The following NFKBID variants were observed in gnomAD, a reference collection of about 807,000 sequenced individuals.
NFKBID encodes NFKB inhibitor delta.
A neutral mutation model predicts 53.4 loss-of-function variants in NFKBID; 26 were observed. That is an observed-to-expected ratio of 0.49 (90% CI 0.36 to 0.68). The LOEUF is 0.68. NFKBID is among the 30% of genes least tolerant of loss of function. NFKBID has a pLI of 0.00. For missense variants in NFKBID, 493 were observed against 614.1 expected, an observed-to-expected ratio of 0.80 and a Z score of 2.08; for synonymous variants, 262 against 259.8, an observed-to-expected ratio of 1.01 and a Z score of -0.08.
exon 2 of NFKBID, chr19:35,898,818 G>A (rs1317821677): frequency 6.5e-7 from 1 of 1,535,596 alleles, no homozygotes; most frequent in South Asian, 1.2e-5. Flanking sequence ...GCTCACCCCT[G>A]CTCACTGTGC....
intron 11 of NFKBID, among the ~76,000 whole-genome samples, chr19:35,889,045 CAAAA>C (rs537535858): frequency 1.9e-5 from 2 of 105,796 alleles, no homozygotes; most frequent in Non-Finnish European, 4.3e-5. Flanking sequence ...ACTCCGCCTC[CAAAA>C]AAAAAAAAAA....
chr19:35,902,230 C>T (rs747151344), upstream of NFKBID: 2 of 703,364 alleles, frequency 2.8e-6, no homozygotes, highest in South Asian at 1.5e-5. Flanking sequence ...ATCTTCTCAG[C>T]GTTTCATGCC....
exon 1 of NFKBID, chr19:35,900,638 G>C (rs1037594708): frequency 2.2e-5 from 27 of 1,228,962 alleles, no homozygotes; most frequent in Non-Finnish European, 2.5e-5. Flanking sequence ...TCCCCGGGTC[G>C]CGCTCCGGCG....
intron 10 of NFKBID, 98 bp from the exon 11 acceptor site, chr19:35,890,152 G>A (rs937702189): frequency 2.3e-6 from 3 of 1,286,102 alleles, no homozygotes; most frequent in Non-Finnish European, 2.1e-6. Context: ...TCCTACACTT[G>A]TCCTTTCACA....
intron 2 of NFKBID, 40 bp from the exon 3 acceptor site, chr19:35,898,572 T>C (rs1386238466): frequency 1.4e-6 from 2 of 1,473,908 alleles, no homozygotes; most frequent in Admixed American, 4.4e-5. Flanking sequence ...GGTGACTTTA[T>C]CTGGCAGATT....
At chr19:35,902,295 G>A (rs1975588026), upstream of NFKBID, 1 of 711,060 alleles carries the variant, frequency 1.4e-6, no homozygotes, top group African/African-American at 1.7e-5. Context: ...CATTTAATCA[G>A]CAAATTTTCT....
upstream of NFKBID, chr19:35,901,533 C>T (rs1975565983): frequency 6.6e-6 from 1 of 152,490 alleles, no homozygotes; most frequent in African/African-American, 2.4e-5. Flanking sequence ...ACAGCACTGA[C>T]CATGTTGGCC....
intron 9 of NFKBID, among the ~76,000 whole-genome samples, chr19:35,895,619 T>C (rs114463611): frequency 0.022 from 3,342 of 151,898 alleles, 59 homozygotes; most frequent in East Asian, 0.07. Flanking sequence ...AAGACCAATG[T>C]GGAGAAAGCC....
Position 35,896,549 on chromosome 19 carries a change from C to A in NFKBID, c.685-11G>T. ...CACCAGGAGAGGGGTCTGCAGGCCACAGGAGAAGTCAGGTTGGGCTCCTGG... is the reference window on the plus strand; with the variant it reads ...CACCAGGAGAGGGGTCTGCAGGCCAAAGGAGAAGTCAGGTTGGGCTCCTGG... On this transcript the variant is annotated splice_polypyrimidine_tract_variant and intron_variant, in intron 6 of 11. Transcript: ENST00000641389. The surrounding 1 kb of genome is among the most constrained non-coding windows in gnomAD (Gnocchi z 5.7). 6.2e-7 allele frequency: 1 copy of A among 1,613,598 alleles called. No individual in the cohort carries two copies. The highest frequency in any genetic ancestry group is 2.2e-5 in the East Asian group (1 of 44,870).
chr19:35,895,070 T>C (rs891479900), intron 9 of NFKBID, among the ~76,000 whole-genome samples: 4 of 151,998 alleles, frequency 2.6e-5, no homozygotes, highest in Non-Finnish European at 5.9e-5. Context: ...AGAGTACACA[T>C]GTCAAAGGGT....
intron 1 of NFKBID, among the ~76,000 whole-genome samples, chr19:35,899,459 C>T (rs1975420871): frequency 6.8e-6 from 1 of 147,712 alleles, no homozygotes; most frequent in Admixed American, 7.0e-5. Flanking sequence ...CCAGGTGAGG[C>T]AGGGGAAACA....
upstream of NFKBID, among the ~76,000 whole-genome samples, chr19:35,901,369 G>A (rs1975560420): frequency 6.6e-6 from 1 of 152,032 alleles, no homozygotes; most frequent in African/African-American, 2.4e-5. Flanking sequence ...CTTTTTAGAG[G>A]TCTGGTTTCA....
upstream of NFKBID, chr19:35,901,917 C>A: frequency 2.0e-6 from 1 of 491,692 alleles, no homozygotes; most frequent in Non-Finnish European, 3.7e-6. Flanking sequence ...TTCTCCATTT[C>A]CCTGGCAAAG....
exon 1 of NFKBID, chr19:35,900,585 G>C (rs1446902428): frequency 1.6e-6 from 2 of 1,230,936 alleles, no homozygotes; most frequent in Non-Finnish European, 2.0e-6. Flanking sequence ...AGGGGTTATG[G>C]CACCGCCCAG....
chr19:35,897,796 A>C, exon 4 of NFKBID: 1 of 1,600,228 alleles, frequency 6.2e-7, no homozygotes, highest in Non-Finnish European at 8.5e-7. Context: ...CCAGTCTGGA[A>C]AGCCCAGGCT....
intron 1 of NFKBID, chr19:35,899,557 T>TG (rs1975426894): frequency 1.9e-5 from 1 of 53,802 alleles, no homozygotes; most frequent in Non-Finnish European, 4.1e-5. Flanking sequence ...GAGACTCCAT[T>TG]AAAAAAAAAA....
intron 11 of NFKBID, 102 bp from the exon 12 acceptor site, chr19:35,888,714 G>A: frequency 2.4e-6 from 2 of 838,014 alleles, no homozygotes; most frequent in South Asian, 1.5e-5. Flanking sequence ...GAGGTTGAGT[G>A]GGTCCCTTTG....
At position 35,896,236 on chromosome 19, in the gene NFKBID, C is replaced by T. The variant is rs1392711847; in HGVS notation, c.865G>A (p.Glu289Lys). The T allele has an allele frequency of 6.2e-7, 1 of 1,614,240 alleles. No individual in the cohort carries two copies. Among genetic ancestry groups the T allele is most frequent in the South Asian group, 1.1e-5 (1 of 91,090 alleles). The change falls in exon 8 of 12, where the codon GAA becomes AAA. Residue 289 changes from glutamate (E) to lysine (K), a missense_variant. This residue lies in a region of NFKBID where 267 missense variants were observed against 384.6 expected (regional missense o/e 0.69). Transcript: ENST00000641389. This position sits in a 1 kb window ranked among gnomAD's most constrained non-coding sequence, Gnocchi z 5.7. The stretch of plus-strand genomic sequence containing the variant: ...AACTTACCCTCGAAGTCTCTGGCTT[C>T]CAGGTCAACCTGGACCCCAGAGTTA...
intron 9 of NFKBID, among the ~76,000 whole-genome samples, chr19:35,895,377 A>T (rs1447153624): frequency 6.6e-6 from 1 of 151,704 alleles, no homozygotes; most frequent in Non-Finnish European, 1.5e-5. Context: ...AGTCCCAGCT[A>T]CTCAGGAGGC....
Sources: gnomAD v4.1 joint callset for allele counts (sites outside exome capture counted in the v4.1 genomes callset) on GRCh38, gnomAD v4.1.1 for gene constraint, gnomAD v4.1.1 regional missense constraint, Gnocchi (gnomAD v3.1) non-coding constraint, MANE v1.5 for transcripts, NCBI Gene and HGNC (gene_info 2026-07-23, HGNC 2026-07-21) for gene names.